The following DEDD variants were observed in gnomAD, a reference collection of about 807,000 sequenced individuals.
DEDD encodes death effector domain containing, also known as death effector domain-containing protein.
Under a neutral mutation model 29.2 loss-of-function variants are expected in DEDD, and 3 were observed. That is an observed-to-expected ratio of 0.10 (90% CI 0.05 to 0.27). DEDD has a LOEUF of 0.27. Ranked by LOEUF, DEDD falls within the 10% of genes least tolerant of loss-of-function variation. The pLI is 1.00. For missense variants in DEDD, 261 were observed against 420.5 expected (o/e 0.62, Z 3.32); for synonymous variants, 152 against 161.3 (o/e 0.94, Z 0.44).
intron 2 of DEDD, among the ~76,000 whole-genome samples, chr1:161,130,204 A>T (rs1276106082): frequency 6.6e-6 from 1 of 152,244 alleles, no homozygotes; most frequent in Non-Finnish European, 1.5e-5. Context: ...CATAGAATTA[A>T]GAGATATCTG....
intron 2 of DEDD, among the ~76,000 whole-genome samples, chr1:161,128,878 A>T (rs962257815): frequency 1.3e-5 from 2 of 152,176 alleles, no homozygotes; most frequent in Non-Finnish European, 1.5e-5. Context: ...AAGGTGTTTC[A>T]TGCCACTCCA....
In DEDD at chr1:161,124,157, G is replaced by T. The variant is rs769362055; in HGVS notation, c.306C>A (p.Thr102=). 2 of 1,613,410 alleles carry T rather than the reference G, an allele frequency of 1.2e-6. No individual in the cohort carries two copies. The highest frequency in any genetic ancestry group is 2.7e-5 in the African/African-American group (2 of 74,906). Residue 102 remains threonine, a synonymous_variant, in exon 3 of 6, where the codon ACC becomes ACA. Transcript: ENST00000368006. ...ITRHDLLPYV[T]LKRRRAVCPD... is the part of the protein sequence containing the mutation. ...CCTCACCAGCCCGTCTCCTCTTGAG[G>T]GTGACGTAGGGCAGCAGGTCGTGGC...
rs375821148 is a variant in DEDD, at chr1:161,123,201, C to T, written c.454G>A (p.Val152Met). The T allele has an allele frequency of 6.2e-7, 1 of 1,614,058 alleles. No homozygotes were observed. Among genetic ancestry groups the T allele is most frequent in the Non-Finnish European group, 8.5e-7 (1 of 1,180,016 alleles). ...TGAGGACCCGAAGTGGGGCAACACA[C>T]CACAGGATAGTGGGGAGGCACTGAC... The part of the protein sequence containing the change: ...SKTVPPHYPV[V>M]CCPTSGPQMC... The change falls in exon 5 of 6, where the codon GTG becomes ATG. Residue 152 changes from valine to methionine, a missense_variant. By Grantham distance (21) the Val-to-Met change is conservative (BLOSUM62 1). Transcript: ENST00000368006.
chr1:161,123,351 CAT>C (rs1161023991), intron 4 of DEDD, 130 bp from the exon 5 acceptor site: 12 of 916,360 alleles, frequency 1.3e-5, no homozygotes, highest in East Asian at 5.3e-5. Flanking sequence ...CTTGAAAAGA[CAT>C]GTGAGACCAG....
rs776965654 is a variant in DEDD, at chr1:161,122,534, CAG to C, written c.581-13_581-12del. The C allele has an allele frequency of 3.1e-6, 5 of 1,611,382 alleles. No homozygotes were observed. The East Asian group carries it at 8.9e-5, about 29-fold the overall frequency. ...CCCGCAGTCTGATGTCTGTTGGAAA[CAG>C]AAGATACAGAGCAGAAGAGGTTACA... On this transcript the variant is annotated splice_polypyrimidine_tract_variant and intron_variant, in intron 5 of 5. Transcript: ENST00000368006. This position sits in a 1 kb window ranked among gnomAD's most constrained non-coding sequence, Gnocchi z 4.2.
In DEDD at chr1:161,122,868, G is replaced by T; in HGVS notation, c.580+207C>A. The T allele has an allele frequency of 1.1e-6, 1 of 899,532 alleles. No homozygotes were observed. Among genetic ancestry groups the T allele is most frequent in the Non-Finnish European group, 1.7e-6 (1 of 575,950 alleles). The allele number at this position is 899,532 out of a possible 1,614,324, so 55.7% of individuals were successfully genotyped here. ...GATGTCATAACAACATCCCTGTGAT[G>T]TAGTATTAACTAACAAGAGTTGAAA... On this transcript the variant is annotated intron_variant, in intron 5 of 5. Coordinates refer to ENST00000368006, the MANE Select transcript of DEDD (RefSeq NM_032998.3). This position sits in a 1 kb window ranked among gnomAD's most constrained non-coding sequence, Gnocchi z 4.2.
rs576987517 is a variant in DEDD at position 161,124,123 on chromosome 1, C to G, written c.325+15G>C. 16 of 1,605,860 alleles carry G rather than the reference C, an allele frequency of 1.0e-5. No individual in the cohort carries two copies. The highest frequency in any genetic ancestry group is 1.4e-5 in the Non-Finnish European group (16 of 1,174,846). ...CACAACTCTTCCCTGATTCCAGCCCCTAATACTTCCTCACCAGCCCGTCTC... is the reference window on the plus strand; with the variant it reads ...CACAACTCTTCCCTGATTCCAGCCCGTAATACTTCCTCACCAGCCCGTCTC... On this transcript the variant is annotated intron_variant, in intron 3 of 5. Coordinates refer to ENST00000368006, the MANE Select transcript of DEDD (RefSeq NM_032998.3).
Position 161,123,834 on chromosome 1 carries a change from C to G in DEDD, c.433+5G>C. The stretch of plus-strand genomic sequence containing the variant: ...GGAAAGCAGGGGGAGTTAATGTCTT[C>G]TCACCTGTTTTAGAGGGCTGGGGAG... On this transcript the variant is annotated splice_donor_5th_base_variant and intron_variant, in intron 4 of 5. Transcript: ENST00000368006. 6.2e-7 allele frequency: 1 copy of G among 1,611,522 alleles called. No individual in the cohort carries two copies. The highest frequency in any genetic ancestry group is 8.5e-7 in the Non-Finnish European group (1 of 1,178,342).
At chr1:161,126,059 C>T (rs1656139727) in intron 2 of DEDD, among the ~76,000 whole-genome samples, 1 of 152,224 alleles carries the variant, frequency 6.6e-6, no homozygotes, top group East Asian at 1.9e-4. Context: ...GTCACACTCT[C>T]CAATCACACA....
At chr1:161,130,170 G>A (rs1307193341) in intron 2 of DEDD, among the ~76,000 whole-genome samples, 1 of 152,158 alleles carries the variant, frequency 6.6e-6, no homozygotes, top group African/African-American at 2.4e-5. Context: ...CATCTTTTCT[G>A]AACAGGGATG....
chr1:161,124,229 A>G lies in DEDD; in HGVS notation c.234T>C (p.Asp78=), dbSNP rs754825051. ...LLALERQGRC[D]ESNFRQVLQL... is the part of the protein sequence containing the mutation. ...GCAGCACCTGGCGAAAGTTACTTTC[A>G]TCACAGCGGCCCTGGCGCTCCAGTG... Residue 78 remains aspartate, a synonymous_variant, in exon 3 of 6, where the codon GAT becomes GAC. Transcript: ENST00000368006. The G allele has an allele frequency of 1.2e-6, 2 of 1,614,160 alleles. No homozygotes were observed. Among genetic ancestry groups the G allele is most frequent in the African/African-American group, 2.7e-5 (2 of 74,954 alleles).
At chr1:161,123,291 T>A in intron 4 of DEDD, 70 bp from the exon 5 acceptor site, 1 of 1,433,150 alleles carries the variant, frequency 7.0e-7, no homozygotes, top group East Asian at 2.3e-5. Flanking sequence ...TCTGTTGGAA[T>A]GAGGAAGGAA....
intron 2 of DEDD, among the ~76,000 whole-genome samples, chr1:161,126,889 A>G (rs1656237007): frequency 6.6e-6 from 1 of 152,038 alleles, no homozygotes; most frequent in Non-Finnish European, 1.5e-5. Context: ...TCATTCTTTA[A>G]GAGTCAGCTC....
At position 161,121,348 on chromosome 1, in the gene DEDD, A is replaced by AT. The variant is rs1655469124; in HGVS notation, c.*798dup. 5.2e-6 allele frequency: 1 copy of AT among 192,654 alleles called. No homozygotes were observed. Among genetic ancestry groups the AT allele is most frequent in the Non-Finnish European group, 9.5e-6 (1 of 105,094 alleles). 11.9% of individuals were successfully genotyped at this position (192,654 alleles called of 1,614,324 possible). ...AAAAGGGCTGCAGGGTACATTATTT[A>AT]TTTTCACTTGAACATGGAAAGAAAG... On this transcript the variant is annotated 3_prime_UTR_variant, in exon 6 of 6. Transcript: ENST00000368006.
chr1:161,125,589 C>T (rs1656080218), intron 2 of DEDD: 1 of 152,116 alleles, frequency 6.6e-6, no homozygotes, highest in Non-Finnish European at 1.5e-5. Flanking sequence ...GCAACCTCCG[C>T]CTCCCAGGTT....
In DEDD at chr1:161,121,881, C is replaced by T. The variant is rs571111990; in HGVS notation, c.*266G>A. The stretch of plus-strand genomic sequence containing the variant: ...GCTGTAGACTTTGCTTCTTCCTATA[C>T]ATTTGTCTTACGGCTCAGTGGTAAG... On this transcript the variant is annotated 3_prime_UTR_variant, in exon 6 of 6. Transcript: ENST00000368006. The T allele has an allele frequency of 1.4e-4, 59 of 426,378 alleles. No individual in the cohort carries two copies. Among genetic ancestry groups the T allele is most frequent in the Middle Eastern group, 6.4e-4 (1 of 1,574 alleles). The allele number at this position is 426,378 out of a possible 1,614,324, so 26.4% of individuals were successfully genotyped here. A position where few individuals can be genotyped will look rare whatever the true frequency, so the allele number is the denominator to read the frequency against.
In DEDD at chr1:161,122,902, G is replaced by A. The variant is rs1557977253; in HGVS notation, c.580+173C>T. 4 of 1,222,182 alleles carry A rather than the reference G, an allele frequency of 3.3e-6. No individual in the cohort carries two copies. The highest frequency in any genetic ancestry group is 2.4e-5 in the East Asian group (1 of 42,160). 75.7% of individuals were successfully genotyped at this position (1,222,182 alleles called of 1,614,324 possible). ...ACTAACAAGAGTTGAAATGTACCCT[G>A]CCACAATCATAAAGAGCAGTTCTTC... On this transcript the variant is annotated intron_variant, in intron 5 of 5. Coordinates refer to ENST00000368006, the MANE Select transcript of DEDD (RefSeq NM_032998.3). The surrounding 1 kb of genome is among the most constrained non-coding windows in gnomAD (Gnocchi z 4.2).
chr1:161,128,579 T>C (rs1332131156), intron 2 of DEDD, among the ~76,000 whole-genome samples: 1 of 152,016 alleles, frequency 6.6e-6, no homozygotes, highest in African/African-American at 2.4e-5. Context: ...CCAGCCCAGG[T>C]GACAGAGTGA....
At position 161,132,551 on chromosome 1, in the gene DEDD, T is replaced by C. The variant is rs1279564066; in HGVS notation, c.-98A>G. On this transcript the variant is annotated splice_region_variant and 5_prime_UTR_variant, in exon 1 of 6. Transcript: ENST00000368006. ...CACTCCGGCCGCCCCTCCGCCTCAC[T>C]CTCGGCTCAGGCTCGGCGCCGCCAT... 1 of 153,500 alleles carries C rather than the reference T, an allele frequency of 6.5e-6. No individual in the cohort carries two copies. Among genetic ancestry groups the C allele is most frequent in the Non-Finnish European group, 1.5e-5 (1 of 68,660 alleles). The allele number at this position is 153,500 out of a possible 1,614,324, so 9.5% of individuals were successfully genotyped here.
Sources: gnomAD v4.1 joint callset for allele counts (sites outside exome capture counted in the v4.1 genomes callset) on GRCh38, gnomAD v4.1.1 for gene constraint, Gnocchi (gnomAD v3.1) non-coding constraint, MANE v1.5 for transcripts, NCBI Gene and HGNC (gene_info 2026-07-23, HGNC 2026-07-21) for gene names.